The following CCNB3 variants were observed in gnomAD, a reference collection of about 807,000 sequenced individuals.
CCNB3 encodes the protein cyclin B3, also known as G2/mitotic-specific cyclin-B3.
In CCNB3, 12 loss-of-function variants were observed where a neutral mutation model predicts 68.0. The ratio of observed to expected loss-of-function variants is 0.18; its 90% CI spans 0.11 to 0.29. The LOEUF is 0.29. CCNB3 is among the 10% of genes least tolerant of loss of function. The pLI is 1.00. For synonymous variants in CCNB3, 354 were observed against 388.9 expected (o/e 0.91, Z 1.06); for missense variants, 904 against 993.1 (o/e 0.91, Z 1.21).
At chrX:50,325,969 T>A (rs1557217249) in intron 8 of CCNB3, among the ~76,000 whole-genome samples, 1 of 111,223 alleles carries the variant, frequency 9.0e-6, no homozygotes, top group Non-Finnish European at 1.9e-5. Context: ...AATATAGCTT[T>A]TAATGGGTGT....
rs193264890 is a variant in CCNB3, at chrX:50,333,874, T to A, written c.3517-8328T>A. Among the ~76,000 whole-genome samples the A allele has an allele frequency of 6.5e-4, 73 of 111,510 alleles. 2 individuals are homozygous for A. In the East Asian group the frequency reaches 0.017, roughly 26 times the overall value. ...TCCCCTGCAGTGCATGACTGCCACC[T>A]TCTGAGGTTTCCACACTGCCTCTAG... On this transcript the variant is annotated intron_variant, in intron 8 of 12. Transcript: ENST00000376042.
intron 8 of CCNB3, among the ~76,000 whole-genome samples, chrX:50,340,125 G>A (rs1160931720): frequency 7.2e-5 from 8 of 111,628 alleles, no homozygotes; most frequent in Middle Eastern, 4.6e-3. Flanking sequence ...GACCATCTTC[G>A]GATAATCATT....
chrX:50,304,764 G>C (rs1936725537), intron 5 of CCNB3, among the ~76,000 whole-genome samples: 1 of 111,566 alleles, frequency 9.0e-6, no homozygotes, highest in African/African-American at 3.3e-5. Flanking sequence ...ATCTGACAAA[G>C]GGCTAATATC....
intron 1 of CCNB3, among the ~76,000 whole-genome samples, chrX:50,281,540 T>C (rs1936136649): frequency 1.8e-5 from 2 of 111,085 alleles, no homozygotes; most frequent in Non-Finnish European, 3.8e-5. Context: ...TGAATTCTGT[T>C]GCTGGGATGC....
chrX:50,350,185 G>T (rs898352570), intron 11 of CCNB3, among the ~76,000 whole-genome samples: 3 of 109,448 alleles, frequency 2.7e-5, no homozygotes, highest in Non-Finnish European at 5.7e-5. Context: ...ATCCTAGTTA[G>T]CATTGTTTGG....
chrX:50,226,402 A>C (rs1163671458), intron 1 of CCNB3, among the ~76,000 whole-genome samples: 12 of 48,105 alleles, frequency 2.5e-4, no homozygotes, highest in Non-Finnish European at 4.0e-4. Flanking sequence ...TATATATAAA[A>C]ATATATATAG....
chrX:50,341,981 G>A (rs1557219678), intron 8 of CCNB3: 21 of 353,121 alleles, frequency 5.9e-5, no homozygotes, highest in Non-Finnish European at 3.4e-5. Flanking sequence ...TGTAAGGCTG[G>A]TCAACTACCC....
At chrX:50,220,700 T>A (rs1007107830) in intron 1 of CCNB3, among the ~76,000 whole-genome samples, 2 of 111,976 alleles carry the variant, frequency 1.8e-5, no homozygotes, top group Non-Finnish European at 3.8e-5. Context: ...GATTTTTGCA[T>A]CAATGTTCGT....
Position 50,342,213 on chromosome X carries a change from G to T in CCNB3, c.3528G>T (p.Glu1176Asp), listed in dbSNP as rs141322816. 5.8e-4 allele frequency: 706 copies of T among 1,208,780 alleles called. No homozygotes were observed. The highest frequency in any genetic ancestry group is 7.3e-4 in the Non-Finnish European group (654 of 894,778). ...DWLVEVQVSFEMTHETLYLAV... is the reference protein window; with the variant it reads ...DWLVEVQVSFDMTHETLYLAV... ...GTGTGTTCCTCCAGGTGTCCTTTGAGATGACCCATGAGACCCTGTACTTGG... is the reference window on the plus strand; with the variant it reads ...GTGTGTTCCTCCAGGTGTCCTTTGATATGACCCATGAGACCCTGTACTTGG... The change falls in exon 9 of 13, where the codon GAG (glutamate) becomes GAT (aspartate). Residue 1176 changes from glutamate to aspartate, a missense_variant. Glu to Asp is a conservative substitution (Grantham distance 45). This residue lies in a region of CCNB3 where 285 missense variants were observed against 383.4 expected (regional missense o/e 0.74). Transcript: ENST00000376042.
At chrX:50,228,133 TAC>T (rs1196291044) in intron 1 of CCNB3, among the ~76,000 whole-genome samples, 3 of 90,700 alleles carry the variant, frequency 3.3e-5, no homozygotes, top group Admixed American at 1.4e-4. Context: ...TATGAATATA[TAC>T]ATAATATATA....
chrX:50,341,741 A>G (rs781929404), intron 8 of CCNB3: 1 of 118,753 alleles, frequency 8.4e-6, no homozygotes, highest in South Asian at 3.0e-4. Context: ...AAATTGTGCT[A>G]TTGGTGTCTG....
At chrX:50,205,431 ACT>A (rs1474461710) in intron 1 of CCNB3, among the ~76,000 whole-genome samples, 4 of 110,646 alleles carry the variant, frequency 3.6e-5, no homozygotes, top group African/African-American at 1.3e-4. Flanking sequence ...ACAGAGCAAG[ACT>A]CTGTCTCAAA....
At chrX:50,287,125 G>T (rs1403629353) in intron 3 of CCNB3, among the ~76,000 whole-genome samples, 1 of 111,870 alleles carries the variant, frequency 8.9e-6, no homozygotes, top group Non-Finnish European at 1.9e-5. Context: ...GGTAGGGCGG[G>T]TTTGTTTTCA....
intron 8 of CCNB3, among the ~76,000 whole-genome samples, chrX:50,341,371 ATAAG>A (rs1557219598): frequency 1.9e-4 from 20 of 107,523 alleles, no homozygotes; most frequent in Admixed American, 5.0e-4. Context: ...AAATAAATAA[ATAAG>A]TAAAAATTTA....
chrX:50,295,492 A>AT (rs782355732), intron 5 of CCNB3, among the ~76,000 whole-genome samples: 1 of 111,786 alleles, frequency 8.9e-6, no homozygotes, highest in South Asian at 3.8e-4. Flanking sequence ...ACAGATGCAC[A>AT]TTCCCATTTA....
chrX:50,280,639 G>A (rs1310177416), intron 1 of CCNB3, among the ~76,000 whole-genome samples: 1 of 110,441 alleles, frequency 9.1e-6, no homozygotes, highest in African/African-American at 3.3e-5. Context: ...AAGCCTGCAG[G>A]AATTAGTGCT....
chrX:50,326,977 A>G (rs1409807147), intron 8 of CCNB3, among the ~76,000 whole-genome samples: 2 of 111,941 alleles, frequency 1.8e-5, no homozygotes, highest in African/African-American at 6.5e-5. Context: ...GTTTTGATTT[A>G]TTTGTTACTT....
At chrX:50,346,239 C>G (rs1412970475) in intron 9 of CCNB3, among the ~76,000 whole-genome samples, 1 of 112,472 alleles carries the variant, frequency 8.9e-6, no homozygotes, top group Non-Finnish European at 1.9e-5. Context: ...CACTAGGACA[C>G]AAAATACAGG....
intron 5 of CCNB3, among the ~76,000 whole-genome samples, chrX:50,303,083 T>C (rs1261502845): frequency 9.0e-6 from 1 of 110,890 alleles, no homozygotes; most frequent in African/African-American, 3.3e-5. Flanking sequence ...CCTCCAGCAG[T>C]GTATTTACTG....
Sources: allele counts gnomAD v4.1 joint callset (sites outside exome capture counted in the v4.1 genomes callset), GRCh38; gene constraint gnomAD v4.1.1; regional missense constraint gnomAD v4.1.1; transcripts MANE v1.5; gene names NCBI Gene and HGNC (gene_info 2026-07-23, HGNC 2026-07-21).